The following CCSER1 variants were observed in gnomAD, a reference collection of about 807,000 sequenced individuals.
CCSER1 encodes serine-rich coiled-coil domain-containing protein 1.
A neutral mutation model predicts 82.0 loss-of-function variants in CCSER1; 41 were observed. That is an observed-to-expected ratio of 0.50 (90% CI 0.39 to 0.65). The LOEUF is 0.65. CCSER1 is among the 30% of genes least tolerant of loss of function. The pLI is 0.00. For synonymous variants in CCSER1, 414 were observed against 383.9 expected (o/e 1.08, Z -0.92); for missense variants, 1,119 against 1,064.2 (o/e 1.05, Z -0.72).
rs115085495 is a variant in CCSER1 at position 91,117,061 on chromosome 4, A to T, written c.2217+31067A>T. Among the ~76,000 whole-genome samples the T allele has an allele frequency of 8.4e-3, 1,282 of 152,318 alleles. 11 individuals are homozygous for T. Among genetic ancestry groups the T allele is most frequent in the African/African-American group, 0.03 (1,231 of 41,568 alleles). On this transcript the variant is annotated intron_variant, in intron 10 of 10. Transcript: ENST00000509176. ...CCATGCAGGTTTTGAGCCATAAAGA[A>T]GGCACCACCTAATGGCAGAATGTTT...
At chr4:91,183,720 G>C (rs1021148621) in intron 10 of CCSER1, among the ~76,000 whole-genome samples, 1 of 152,178 alleles carries the variant, frequency 6.6e-6, no homozygotes, top group Non-Finnish European at 1.5e-5. Flanking sequence ...TGAATGCTGA[G>C]TTGAAAAAAT....
At chr4:90,481,031 G>T (rs185884032) in intron 5 of CCSER1, among the ~76,000 whole-genome samples, 264 of 152,270 alleles carry the variant, frequency 1.7e-3, no homozygotes, top group African/African-American at 6.3e-3. Flanking sequence ...TCTTCCATTT[G>T]TTTGTGTCCT....
chr4:91,044,250 G>T (rs750897652), intron 9 of CCSER1, among the ~76,000 whole-genome samples: 5 of 152,268 alleles, frequency 3.3e-5, no homozygotes, highest in African/African-American at 9.6e-5. Flanking sequence ...AAACATGAAT[G>T]ATAGAATTGC....
At chr4:90,602,142 A>G (rs759909132) in intron 5 of CCSER1, among the ~76,000 whole-genome samples, 11 of 152,158 alleles carry the variant, frequency 7.2e-5, no homozygotes, top group Admixed American at 2.0e-4. Flanking sequence ...AGCTCTGACT[A>G]TAATGGGGCA....
At chr4:90,467,409 T>A (rs1473501117) in intron 4 of CCSER1, among the ~76,000 whole-genome samples, 6 of 143,570 alleles carry the variant, frequency 4.2e-5, no homozygotes, top group Non-Finnish European at 7.6e-5. Context: ...AAAAAGGGCC[T>A]GGCTGGTGGC....
chr4:90,212,646 A>G (rs1740245256), intron 1 of CCSER1, among the ~76,000 whole-genome samples: 1 of 152,224 alleles, frequency 6.6e-6, no homozygotes, highest in Non-Finnish European at 1.5e-5. Context: ...TACTGGAAAT[A>G]AGTGGTATTT....
At chr4:91,025,611 C>T (rs1176535062) in intron 9 of CCSER1, among the ~76,000 whole-genome samples, 1 of 152,014 alleles carries the variant, frequency 6.6e-6, no homozygotes, top group African/African-American at 2.4e-5. Flanking sequence ...AAAGCTGAAC[C>T]CCCTGAAACT....
chr4:91,602,488 G>A lies in CCSER1; in HGVS notation c.*3431G>A, dbSNP rs535256402. On this transcript the variant is annotated 3_prime_UTR_variant, in exon 11 of 11. Transcript: ENST00000509176. ...AACTTAGTTGTTGATTAAACAGTAGGAACAGTTTGCTGAATGGTTAGGATT... is the reference window on the plus strand; with the variant it reads ...AACTTAGTTGTTGATTAAACAGTAGAAACAGTTTGCTGAATGGTTAGGATT... Among the ~76,000 whole-genome samples, 62 of 152,038 alleles carry A rather than the reference G, an allele frequency of 4.1e-4. No individual in the cohort carries two copies. The South Asian group carries it at 0.012, about 29-fold the overall frequency.
chr4:90,208,942 C>G (rs1233393532), intron 1 of CCSER1, among the ~76,000 whole-genome samples: 1 of 152,124 alleles, frequency 6.6e-6, no homozygotes. Flanking sequence ...CGGAGCCGTT[C>G]GTATTTGGCC....
At chr4:90,417,338 A>C (rs1755952817) in intron 4 of CCSER1, among the ~76,000 whole-genome samples, 1 of 152,106 alleles carries the variant, frequency 6.6e-6, no homozygotes, top group African/African-American at 2.4e-5. Flanking sequence ...AAAAAGAATA[A>C]ATTTCTATTT....
At chr4:91,092,857 T>C (rs1157077590) in intron 10 of CCSER1, among the ~76,000 whole-genome samples, 1 of 152,154 alleles carries the variant, frequency 6.6e-6, no homozygotes, top group Admixed American at 6.5e-5. Flanking sequence ...CCTGCCTCTG[T>C]GTCTGCTCAG....
intron 10 of CCSER1, among the ~76,000 whole-genome samples, chr4:91,356,421 A>G (rs933083922): frequency 6.6e-6 from 1 of 152,230 alleles, no homozygotes; most frequent in Non-Finnish European, 1.5e-5. Flanking sequence ...CAACTATTTG[A>G]TTTCAAGCTT....
At chr4:91,102,399 A>G (rs2148853175) in intron 10 of CCSER1, among the ~76,000 whole-genome samples, 1 of 152,294 alleles carries the variant, frequency 6.6e-6, no homozygotes, top group Middle Eastern at 3.4e-3. Flanking sequence ...AGAGTTTGTG[A>G]TTTCAGGGTT....
At chr4:91,326,209 G>C (rs1178994610) in intron 10 of CCSER1, among the ~76,000 whole-genome samples, 1 of 152,094 alleles carries the variant, frequency 6.6e-6, no homozygotes, top group African/African-American at 2.4e-5. Context: ...TTGCTATAAA[G>C]AACTACCCGA....
chr4:90,937,942 T>TA (rs1411331583), intron 9 of CCSER1, among the ~76,000 whole-genome samples: 4 of 152,142 alleles, frequency 2.6e-5, no homozygotes, highest in Non-Finnish European at 5.9e-5. Context: ...GATTATAACT[T>TA]ACCATCTTTG....
chr4:91,173,235 C>G (rs185234000), intron 10 of CCSER1, among the ~76,000 whole-genome samples: 143 of 152,114 alleles, frequency 9.4e-4, no homozygotes, highest in Admixed American at 8.9e-3. Flanking sequence ...AATGTTTGCC[C>G]AAATGATTTC....
chr4:91,362,407 A>T (rs761115770), intron 10 of CCSER1, among the ~76,000 whole-genome samples: 34 of 151,952 alleles, frequency 2.2e-4, no homozygotes, highest in Non-Finnish European at 4.0e-4. Context: ...ACACATACAC[A>T]CACACAATGT....
chr4:91,111,772 G>A (rs1017062746), intron 10 of CCSER1, among the ~76,000 whole-genome samples: 5 of 150,278 alleles, frequency 3.3e-5, no homozygotes, highest in African/African-American at 1.2e-4. Context: ...CTCTTTTCCC[G>A]GGAATCACTG....
chr4:90,499,734 A>T (rs1769570008), intron 5 of CCSER1, among the ~76,000 whole-genome samples: 2 of 152,178 alleles, frequency 1.3e-5, no homozygotes, highest in East Asian at 1.9e-4. Context: ...GACAATTATA[A>T]GCAAGGAAAA....
Sources: allele counts gnomAD v4.1 joint callset (sites outside exome capture counted in the v4.1 genomes callset), GRCh38; gene constraint gnomAD v4.1.1; transcripts MANE v1.5; gene names NCBI Gene and HGNC (gene_info 2026-07-23, HGNC 2026-07-21).